Variants in RARB observed in about 807,000 individuals in gnomAD.
RARB encodes the protein HBV-activated protein.
A neutral mutation model predicts 51.9 loss-of-function variants in RARB; 17 were observed. The observed-to-expected ratio is 0.33, with a 90% CI of 0.22 to 0.49. RARB has a LOEUF of 0.49. Among genes scored for constraint, RARB ranks in the 20% least tolerant of loss-of-function variants. RARB has a pLI of 0.99. For synonymous variants in RARB, 215 were observed against 195.4 expected, an observed-to-expected ratio of 1.10 and a Z score of -0.84; for missense variants, 369 against 550.8, an observed-to-expected ratio of 0.67 and a Z score of 3.30.
At chr3:25,019,361 A>G (rs1559435859) in intron 2 of RARB, among the ~76,000 whole-genome samples, 1 of 152,192 alleles carries the variant, frequency 6.6e-6, no homozygotes, top group Non-Finnish European at 1.5e-5. Flanking sequence ...TAGAGGTGTG[A>G]TATGATAGAC....
chr3:25,395,801 T>G (rs963750189), intron 5 of RARB, among the ~76,000 whole-genome samples: 2 of 152,220 alleles, frequency 1.3e-5, no homozygotes, highest in African/African-American at 4.8e-5. Flanking sequence ...AGCTTTCACC[T>G]TTCTCTGGTG....
intron 2 of RARB, among the ~76,000 whole-genome samples, chr3:24,936,524 A>G (rs895332350): frequency 1.3e-5 from 2 of 152,304 alleles, no homozygotes; most frequent in Middle Eastern, 3.4e-3. Flanking sequence ...TTGATTTTCT[A>G]CTTCTCTTCC....
intron 2 of RARB, among the ~76,000 whole-genome samples, chr3:25,022,587 G>A (rs1468410418): frequency 2.0e-5 from 3 of 152,140 alleles, no homozygotes; most frequent in African/African-American, 7.2e-5. Flanking sequence ...TCCTCTACAT[G>A]CTTACTAGCC....
At chr3:25,255,015 G>A (rs1293712393) in intron 5 of RARB, among the ~76,000 whole-genome samples, 1 of 152,100 alleles carries the variant, frequency 6.6e-6, no homozygotes, top group African/African-American at 2.4e-5. Context: ...TAGCATTCTT[G>A]TATTCCTTTC....
At chr3:25,334,615 A>T (rs1449772140) in intron 5 of RARB, among the ~76,000 whole-genome samples, 1 of 152,206 alleles carries the variant, frequency 6.6e-6, no homozygotes, top group Non-Finnish European at 1.5e-5. Flanking sequence ...CCAACGTGGC[A>T]CATGTATACA....
chr3:25,386,825 C>G (rs1178856474), intron 5 of RARB, among the ~76,000 whole-genome samples: 1 of 152,180 alleles, frequency 6.6e-6, no homozygotes, highest in African/African-American at 2.4e-5. Context: ...GCTGCCAACT[C>G]TTCTTATTGT....
chr3:25,325,066 A>G (rs1704674548), intron 5 of RARB, among the ~76,000 whole-genome samples: 1 of 152,220 alleles, frequency 6.6e-6, no homozygotes, highest in Non-Finnish European at 1.5e-5. Flanking sequence ...CTGCTAGACT[A>G]AGGATACTTA....
intron 3 of RARB, among the ~76,000 whole-genome samples, chr3:25,567,821 AGG>A (rs576814546): frequency 1.3e-5 from 2 of 152,100 alleles, no homozygotes; most frequent in Non-Finnish European, 2.9e-5. Flanking sequence ...CGAGGAAAAG[AGG>A]GGGGTCTGAT....
intron 3 of RARB, among the ~76,000 whole-genome samples, chr3:25,104,621 GT>G (rs1699464078): frequency 6.6e-6 from 1 of 152,098 alleles, no homozygotes; most frequent in Non-Finnish European, 1.5e-5. Context: ...TCCAGCTTGG[GT>G]GACACAATGA....
At chr3:25,561,114 G>T (rs909732275) in intron 3 of RARB, among the ~76,000 whole-genome samples, 1 of 152,262 alleles carries the variant, frequency 6.6e-6, no homozygotes, top group East Asian at 1.9e-4. Flanking sequence ...GAGCTAAAAT[G>T]CAGGCCTTTG....
At chr3:25,215,105 A>G (rs1385676793) in intron 5 of RARB, among the ~76,000 whole-genome samples, 2 of 152,146 alleles carry the variant, frequency 1.3e-5, no homozygotes, top group African/African-American at 4.8e-5. Flanking sequence ...AGTTGTTCTT[A>G]ATCCCAACTG....
At chr3:24,830,143 C>G (rs1275435239) in intron 1 of RARB, among the ~76,000 whole-genome samples, 9 of 152,072 alleles carry the variant, frequency 5.9e-5, no homozygotes, top group Non-Finnish European at 1.3e-4. Context: ...GACTGTCAGC[C>G]GCGAAGGGGT....
intron 2 of RARB, among the ~76,000 whole-genome samples, chr3:24,959,431 G>C (rs868725174): frequency 1.3e-5 from 2 of 152,134 alleles, no homozygotes; most frequent in African/African-American, 4.8e-5. Context: ...ACTTCTCTCC[G>C]GTGTTCAGCT....
intron 3 of RARB, among the ~76,000 whole-genome samples, chr3:25,502,743 G>C (rs1001465525): frequency 1.1e-4 from 16 of 152,122 alleles, no homozygotes; most frequent in African/African-American, 3.9e-4. Context: ...CCATCCATGT[G>C]AACAAGGAAA....
In RARB at chr3:25,428,413, G is replaced by T; in HGVS notation, c.-319G>T. ...AGCAGGGTTTGTCTGGGCACCGTCG[G>T]GGTAGGATCCGGAACGCATTCGGAA... is the stretch of plus-strand genomic sequence containing the variant. On this transcript the variant is annotated 5_prime_UTR_variant, in exon 1 of 8. Transcript: ENST00000330688. The T allele has an allele frequency of 7.9e-7, 1 of 1,272,922 alleles. No homozygotes were observed. The highest frequency in any genetic ancestry group is 9.9e-7 in the Non-Finnish European group (1 of 1,011,676). The allele number at this position is 1,272,922 out of a possible 1,614,324, so 78.9% of individuals were successfully genotyped here. A position where few individuals can be genotyped will look rare whatever the true frequency, so the allele number is the denominator to read the frequency against.
At chr3:25,351,477 T>C (rs1246796375) in intron 5 of RARB, among the ~76,000 whole-genome samples, 1 of 152,124 alleles carries the variant, frequency 6.6e-6, no homozygotes, top group Non-Finnish European at 1.5e-5. Flanking sequence ...ACAGGTCACC[T>C]AGATCTGTCA....
chr3:25,095,721 G>A (rs1041928321), intron 3 of RARB, among the ~76,000 whole-genome samples: 5 of 152,126 alleles, frequency 3.3e-5, no homozygotes, highest in Admixed American at 3.3e-4. Context: ...GGTGGCCAGA[G>A]TATTACACCA....
chr3:25,574,466 A>G (rs1327415490), intron 4 of RARB, among the ~76,000 whole-genome samples: 5 of 152,124 alleles, frequency 3.3e-5, no homozygotes, highest in Admixed American at 2.0e-4. Context: ...TTTTCGAGCC[A>G]CATGCCCAGG....
chr3:25,174,545 C>T (rs764694971), exon 5 of RARB: 4 of 1,352,136 alleles, frequency 3.0e-6, no homozygotes, highest in Non-Finnish European at 2.9e-6. Flanking sequence ...ACATCCGCCT[C>T]CGAGTGGATG....
Sources: gnomAD v4.1 joint callset for allele counts (sites outside exome capture counted in the v4.1 genomes callset) on GRCh38, gnomAD v4.1.1 for gene constraint, MANE v1.5 for transcripts, NCBI Gene and HGNC (gene_info 2026-07-23, HGNC 2026-07-21) for gene names.